The following PRRC2B variants were observed in gnomAD, a reference collection of about 807,000 sequenced individuals.
PRRC2B encodes the protein protein PRRC2B.
PRRC2B carries 68 observed loss-of-function variants against 242.3 expected under a neutral mutation model. The ratio of observed to expected loss-of-function variants is 0.28; its 90% CI spans 0.23 to 0.34. The LOEUF is 0.34. Ranked by LOEUF, PRRC2B falls within the 10% of genes least tolerant of loss-of-function variation. The pLI is 1.00. For synonymous variants in PRRC2B, 1,228 were observed against 1,173.6 expected (o/e 1.05, Z -0.95); for missense variants, 2,835 against 2,954.8 (o/e 0.96, Z 0.94).
In PRRC2B at chr9:131,475,572, G is replaced by C. The variant is rs761299154; in HGVS notation, c.3443G>C (p.Arg1148Pro). The change falls in exon 16 of 32, where the codon CGC becomes CCC. Residue 1148 changes from arginine (R) to proline (P), a missense_variant. By Grantham distance (103) the Arg-to-Pro change is moderately radical. This residue lies in a region of PRRC2B where 1,536 missense variants were observed against 1,483.1 expected (regional missense o/e 1.04). Transcript: ENST00000683519. ...GAGTATGAAGAACTTCCCAAGCGCCGCCGGCAGAGGGGCTCCGAGAACGGG... is the reference window on the plus strand; with the variant it reads ...GAGTATGAAGAACTTCCCAAGCGCCCCCGGCAGAGGGGCTCCGAGAACGGG... ...GSEYEELPKR[R>P]RQRGSENGNE... The C allele has an allele frequency of 6.2e-7, 1 of 1,612,772 alleles. No individual in the cohort carries two copies. Among genetic ancestry groups the C allele is most frequent in the Non-Finnish European group, 8.5e-7 (1 of 1,179,794 alleles).
At chr9:131,419,802 T>G (rs1588242267) in intron 1 of PRRC2B, among the ~76,000 whole-genome samples, 5 of 129,792 alleles carry the variant, frequency 3.9e-5, no homozygotes, top group Admixed American at 7.8e-5. Flanking sequence ...CTGCCGGGGG[T>G]GGTGTGGGGA....
At chr9:131,469,998 C>T (rs1943496278) in intron 13 of PRRC2B, among the ~76,000 whole-genome samples, 3 of 152,184 alleles carry the variant, frequency 2.0e-5, no homozygotes, top group South Asian at 4.2e-4. Flanking sequence ...CTGGTCTCGT[C>T]TGGGGGTTAC....
chr9:131,478,641 G>T, intron 18 of PRRC2B, 22 bp downstream of exon 18: 1 of 555,086 alleles, frequency 1.8e-6, no homozygotes, highest in Non-Finnish European at 3.4e-6. Context: ...AGGGTGGGGG[G>T]GCATGGGGCT....
upstream of PRRC2B, among the ~76,000 whole-genome samples, chr9:131,392,758 C>G (rs753731691): frequency 6.6e-6 from 1 of 151,830 alleles, no homozygotes; most frequent in African/African-American, 2.4e-5. Flanking sequence ...ACCAAAAATA[C>G]AAAAATTAGC....
At chr9:131,492,344 C>A in intron 30 of PRRC2B, 84 bp downstream of exon 30, 1 of 1,086,552 alleles carries the variant, frequency 9.2e-7, no homozygotes. Context: ...GAATCTGGGC[C>A]CAGGGAGAGC....
intron 1 of PRRC2B, among the ~76,000 whole-genome samples, chr9:131,382,600 G>A (rs1310917814): frequency 6.6e-6 from 1 of 151,556 alleles, no homozygotes; most frequent in African/African-American, 2.4e-5. Flanking sequence ...CTGCTGGTTC[G>A]TTCGGACCCA....
In PRRC2B at chr9:131,387,625, G is replaced by A. The variant is rs1836842480; in HGVS notation, c.-56+13894G>A. 8.0e-5 allele frequency among the ~76,000 whole-genome samples: 12 copies of A among 149,822 alleles called. No individual in the cohort carries two copies. The South Asian group carries it at 2.5e-3, about 32-fold the overall frequency. ...CAAATAAGACAGATGCGGTCATCCT[G>A]CCTCTCACGGTACTGTCATCTCCTC... On this transcript the variant is annotated intron_variant, in intron 1 of 1. Transcript: ENST00000682525.
intron 1 of PRRC2B, among the ~76,000 whole-genome samples, chr9:131,428,796 C>T (rs1300531104): frequency 6.6e-6 from 1 of 152,200 alleles, no homozygotes; most frequent in African/African-American, 2.4e-5. Flanking sequence ...TCCTGAGTAG[C>T]TGGGATTATA....
At chr9:131,430,541 A>G (rs1303570506) in intron 2 of PRRC2B, among the ~76,000 whole-genome samples, 2 of 133,956 alleles carry the variant, frequency 1.5e-5, no homozygotes, top group African/African-American at 5.5e-5. Flanking sequence ...CTATCTATAG[A>G]TATCTATAGG....
intron 11 of PRRC2B, among the ~76,000 whole-genome samples, chr9:131,463,534 C>T (rs552129611): frequency 1.3e-4 from 20 of 152,126 alleles, no homozygotes; most frequent in African/African-American, 4.8e-4. Context: ...CTGCTTGACC[C>T]CTGCAGACCA....
rs757130122 is a variant in PRRC2B at position 131,447,618 on chromosome 9, C to T, written c.978-44C>T. ...TTGGAAAGGTATTTGATTTTGCTTC[C>T]GTCTGTATACTGGACATGATTCCAT... On this transcript the variant is annotated intron_variant, in intron 8 of 31. Transcript: ENST00000683519. 32 of 1,503,490 alleles carry T rather than the reference C, an allele frequency of 2.1e-5. No homozygotes were observed. The Admixed American group carries it at 4.3e-4, about 20-fold the overall frequency. The allele number at this position is 1,503,490 out of a possible 1,614,324, so 93.1% of individuals were successfully genotyped here.
chr9:131,418,685 A>G (rs960341406), intron 1 of PRRC2B, among the ~76,000 whole-genome samples: 14 of 152,246 alleles, frequency 9.2e-5, no homozygotes, highest in Admixed American at 8.5e-4. Flanking sequence ...GGACAGCTGC[A>G]GCTGGCTGGG....
chr9:131,380,749 G>T (rs2131263512), intron 1 of PRRC2B, among the ~76,000 whole-genome samples: 1 of 151,724 alleles, frequency 6.6e-6, no homozygotes, highest in East Asian at 1.9e-4. Context: ...ATGGTAGCAG[G>T]CGCCTGTAAT....
Position 131,476,052 on chromosome 9 carries a change from A to G in PRRC2B, c.3923A>G (p.Asp1308Gly). 1 of 1,607,322 alleles carries G rather than the reference A, an allele frequency of 6.2e-7. No homozygotes were observed. The highest frequency in any genetic ancestry group is 8.5e-7 in the Non-Finnish European group (1 of 1,175,596). The change falls in exon 16 of 32, where the codon GAT becomes GGT. Residue 1308 changes from aspartate to glycine, a missense_variant. Physicochemically the swap from Asp to Gly is moderately conservative, Grantham distance 94. Coordinates refer to ENST00000683519, the MANE Select transcript of PRRC2B (RefSeq NM_013318.4). Reference protein sequence around the residue: ...PFRRRRPPRQDKPPRFRRLRQ... With the variant: ...PFRRRRPPRQGKPPRFRRLRQ... The stretch of plus-strand genomic sequence containing the variant: ...AGGAGAAGGCGCCCCCCACGCCAAG[A>G]TAAGCCCCCTCGATTCCGGCGCCTC...
chr9:131,456,441 C>G (rs1489609301), intron 10 of PRRC2B, among the ~76,000 whole-genome samples: 19 of 151,870 alleles, frequency 1.3e-4, no homozygotes, highest in African/African-American at 4.6e-4. Flanking sequence ...ACCATCCTGG[C>G]TAACACAGTG....
chr9:131,440,897 C>T (rs12339345), intron 5 of PRRC2B, among the ~76,000 whole-genome samples: 8,874 of 151,974 alleles, frequency 0.058, 780 homozygotes, highest in African/African-American at 0.19. Flanking sequence ...TCCGGTAGTT[C>T]GAGACCAGCC....
chr9:131,485,974 C>A, intron 25 of PRRC2B, 111 bp from the exon 26 acceptor site: 1 of 786,408 alleles, frequency 1.3e-6, no homozygotes, highest in Non-Finnish European at 2.2e-6. Flanking sequence ...ACGCCCTCGT[C>A]CCCACTGAGT....
At chr9:131,380,750 C>T (rs1461583730) in intron 1 of PRRC2B, among the ~76,000 whole-genome samples, 2 of 149,896 alleles carry the variant, frequency 1.3e-5, no homozygotes, top group African/African-American at 2.5e-5. Context: ...TGGTAGCAGG[C>T]GCCTGTAATC....
At chr9:131,488,985 T>C (rs1480521347) in intron 28 of PRRC2B, among the ~76,000 whole-genome samples, 1 of 152,100 alleles carries the variant, frequency 6.6e-6, no homozygotes, top group African/African-American at 2.4e-5. Context: ...CTCTGTGCCA[T>C]GGACCCTGTC....
Sources: allele counts gnomAD v4.1 joint callset (sites outside exome capture counted in the v4.1 genomes callset), GRCh38; gene constraint gnomAD v4.1.1; regional missense constraint gnomAD v4.1.1; transcripts MANE v1.5; gene names NCBI Gene and HGNC (gene_info 2026-07-23, HGNC 2026-07-21).